PIANP: variants seen among roughly 807,000 people sequenced by gnomAD.
PIANP encodes PILR alpha-associated neural protein.
PIANP carries 14 observed loss-of-function variants against 28.9 expected under a neutral mutation model. The observed-to-expected ratio is 0.49, with a 90% confidence interval of 0.32 to 0.76. The LOEUF is 0.76. Among genes scored for constraint, PIANP ranks in the 30% least tolerant of loss-of-function variants. PIANP has a pLI of 0.03. For synonymous variants in PIANP, 149 were observed against 156.6 expected, an observed-to-expected ratio of 0.95 and a Z score of 0.36; for missense variants, 322 against 371.8, an observed-to-expected ratio of 0.87 and a Z score of 1.10.
downstream of PIANP, among the ~76,000 whole-genome samples, chr12:6,693,587 C>A (rs778468860): frequency 6.6e-6 from 1 of 152,150 alleles, no homozygotes; most frequent in African/African-American, 2.4e-5. Context: ...TCTAGTTTCT[C>A]TCTTGTACCA....
chr12:6,696,458 A>C lies in PIANP; in HGVS notation c.590T>G (p.Ile197Ser). ...CCCAGCTTACCAGAACTTGAAGATG[A>C]TGCCAGTGGCCACGAGAACAATGAT... ...SIIIVLVATG[I>S]IFKFCWDRSQ... Residue 197 changes from isoleucine (I) to serine (S), a missense_variant, in exon 4 of 5, where the codon ATC (isoleucine) becomes AGC (serine). By Grantham distance (142) the Ile-to-Ser change is moderately radical (BLOSUM62 -2). Coordinates refer to ENST00000534837, the MANE Select transcript of PIANP (RefSeq NM_001244014.2). This position sits in a 1 kb window ranked among gnomAD's most constrained non-coding sequence, Gnocchi z 4.0. 6.2e-7 allele frequency: 1 copy of C among 1,600,184 alleles called. No individual in the cohort carries two copies. The highest frequency in any genetic ancestry group is 8.5e-7 in the Non-Finnish European group (1 of 1,173,794).
At position 6,695,452 on chromosome 12, in the gene PIANP, C is replaced by T. The variant is rs1351409714; in HGVS notation, c.805G>A (p.Ala269Thr). 7.4e-5 allele frequency: 111 copies of T among 1,498,612 alleles called. No homozygotes were observed. The highest frequency in any genetic ancestry group is 8.7e-5 in the Non-Finnish European group (98 of 1,123,874). 92.8% of individuals were successfully genotyped at this position (1,498,612 alleles called of 1,614,324 possible). A position where few individuals can be genotyped will look rare whatever the true frequency, so the allele number is the denominator to read the frequency against. The change falls in exon 5 of 5, where the codon GCT becomes ACT. Residue 269 changes from alanine to threonine, a missense_variant. Ala to Thr is a moderately conservative substitution (Grantham distance 58, BLOSUM62 0). Transcript: ENST00000534837. This position sits in a 1 kb window ranked among gnomAD's most constrained non-coding sequence, Gnocchi z 4.2. ...CACCGGTTCAACTGGAAGGCTGGAG[C>T]CCCCTTGGGGTGGGGCATCCCAGGC... ...PRPGMPHPKGAPAFQLNR is the reference protein window; with the variant it reads ...PRPGMPHPKGTPAFQLNR
rs1022147694 is a variant in PIANP, at chr12:6,696,700, G to GT, written c.524-177dup. Among the ~76,000 whole-genome samples the GT allele has an allele frequency of 3.9e-5, 6 of 152,156 alleles. No individual in the cohort carries two copies. The highest frequency in any genetic ancestry group is 8.8e-5 in the Non-Finnish European group (6 of 68,038). ...TTTATTATCACCAGCATTCCCCTGAGTTTTCAGCTCTTTTCCTCCACTTTC... is the reference window on the plus strand; with the variant it reads ...TTTATTATCACCAGCATTCCCCTGAGTTTTTCAGCTCTTTTCCTCCACTTTC... On this transcript the variant is annotated intron_variant, in intron 3 of 4. Coordinates refer to ENST00000534837, the MANE Select transcript of PIANP (RefSeq NM_001244014.2). The surrounding 1 kb of genome is among the most constrained non-coding windows in gnomAD (Gnocchi z 4.0).
chr12:6,699,101 G>C (rs932518534), intron 1 of PIANP, among the ~76,000 whole-genome samples: 4 of 152,140 alleles, frequency 2.6e-5, no homozygotes, highest in Non-Finnish European at 5.9e-5. Flanking sequence ...AAAATTAGCC[G>C]GGGGTAGTGG....
chr12:6,693,248 G>A (rs1267220180), downstream of PIANP, among the ~76,000 whole-genome samples: 1 of 152,042 alleles, frequency 6.6e-6, no homozygotes, highest in African/African-American at 2.4e-5. Flanking sequence ...AGAGGGCAGA[G>A]TAGGGAAAGC....
rs772668070 is a variant in PIANP, at chr12:6,697,649, G to T, written c.161C>A (p.Ala54Asp). The T allele has an allele frequency of 1.9e-6, 3 of 1,557,924 alleles. No homozygotes were observed. In the South Asian group the frequency reaches 3.5e-5, roughly 18 times the overall value. ...CTCCCACACGCACACATGACGTGGG[G>T]CCGAGGGGCCTCCCCTGGCACACGG... ...RPPCARGGPS[A>D]PRHVCVWERA... The change falls in exon 3 of 5, where the codon GCC becomes GAC. Residue 54 changes from alanine (A) to aspartate (D), a missense_variant. Transcript: ENST00000534837. This position sits in a 1 kb window ranked among gnomAD's most constrained non-coding sequence, Gnocchi z 6.9.
chr12:6,695,178 G>T lies in PIANP; in HGVS notation c.*248C>A. 6.8e-6 allele frequency: 10 copies of T among 1,461,998 alleles called. No individual in the cohort carries two copies. Among genetic ancestry groups the T allele is most frequent in the Non-Finnish European group, 8.2e-6 (9 of 1,099,962 alleles). 90.6% of individuals were successfully genotyped at this position (1,461,998 alleles called of 1,614,324 possible). Reference sequence around the variant, plus strand: ...GGGCAGAGTTGTCTTAGACAAGGTGGCATGAGAAAAAACCAAAGAGGGCAG... The same window carrying T: ...GGGCAGAGTTGTCTTAGACAAGGTGTCATGAGAAAAAACCAAAGAGGGCAG... On this transcript the variant is annotated 3_prime_UTR_variant, in exon 5 of 5. Transcript: ENST00000534837. This position sits in a 1 kb window ranked among gnomAD's most constrained non-coding sequence, Gnocchi z 4.2.
intron 1 of PIANP, 157 bp from the exon 2 acceptor site, chr12:6,698,261 G>C (rs1207884767): frequency 3.0e-6 from 2 of 664,498 alleles, no homozygotes; most frequent in African/African-American, 3.6e-5. Flanking sequence ...ATCCTTTTGG[G>C]GGAAAAACTC....
chr12:6,693,452 T>C (rs1959745983), downstream of PIANP, among the ~76,000 whole-genome samples: 1 of 152,206 alleles, frequency 6.6e-6, no homozygotes, highest in Non-Finnish European at 1.5e-5. Flanking sequence ...GTCTGTCTTA[T>C]CAGGTCTCTC....
rs777492515 is a variant in PIANP at position 6,696,496 on chromosome 12, A to G, written c.552T>C (p.Ile184=). Residue 184 remains isoleucine, a synonymous_variant, in exon 4 of 5, where the codon ATT becomes ATC. Transcript: ENST00000534837. This position sits in a 1 kb window ranked among gnomAD's most constrained non-coding sequence, Gnocchi z 4.0. ...CGAGAACAATGATGATGGAGATGGT[A>G]ATTGTGACATAGAGCTGGGGGTCCA... ...EGVDPQLYVT[I]TISIIIVLVA... 3.0e-5 allele frequency: 48 copies of G among 1,602,804 alleles called. No homozygotes were observed. The highest frequency in any genetic ancestry group is 3.7e-5 in the Non-Finnish European group (44 of 1,175,136).
At position 6,695,169 on chromosome 12, in the gene PIANP, G is replaced by A. The variant is rs918935548; in HGVS notation, c.*257C>T. 2.7e-6 allele frequency: 4 copies of A among 1,474,558 alleles called. No individual in the cohort carries two copies. 91.3% of individuals were successfully genotyped at this position (1,474,558 alleles called of 1,614,324 possible). A position where few individuals can be genotyped will look rare whatever the true frequency, so the allele number is the denominator to read the frequency against. On this transcript the variant is annotated 3_prime_UTR_variant, in exon 5 of 5. Transcript: ENST00000534837. This position sits in a 1 kb window ranked among gnomAD's most constrained non-coding sequence, Gnocchi z 4.2. The stretch of plus-strand genomic sequence containing the variant: ...AGGTTAAGAGGGCAGAGTTGTCTTA[G>A]ACAAGGTGGCATGAGAAAAAACCAA...
At chr12:6,699,116 C>T (rs1592451145) in intron 1 of PIANP, among the ~76,000 whole-genome samples, 1 of 152,050 alleles carries the variant, frequency 6.6e-6, no homozygotes, top group Non-Finnish European at 1.5e-5. Flanking sequence ...TAGTGGTGGG[C>T]GCCTGCAATC....
At position 6,698,091 on chromosome 12, in the gene PIANP, A is replaced by G. The variant is rs369958815; in HGVS notation, c.-30T>C. Reference sequence around the variant, plus strand: ...GAGGTCTTCCTCAGCTGTGACCCAGATTTTCAGCCTTTACTGGGAGAAAAA... The same window carrying G: ...GAGGTCTTCCTCAGCTGTGACCCAGGTTTTCAGCCTTTACTGGGAGAAAAA... On this transcript the variant is annotated 5_prime_UTR_variant, in exon 2 of 5. Coordinates refer to ENST00000534837, the MANE Select transcript of PIANP (RefSeq NM_001244014.2). 1.9e-5 allele frequency: 30 copies of G among 1,561,494 alleles called. No homozygotes were observed. The highest frequency in any genetic ancestry group is 2.4e-5 in the Non-Finnish European group (28 of 1,151,592).
At chr12:6,699,063 G>A (rs1959968982) in intron 1 of PIANP, among the ~76,000 whole-genome samples, 1 of 152,134 alleles carries the variant, frequency 6.6e-6, no homozygotes, top group Non-Finnish European at 1.5e-5. Flanking sequence ...GGCCAACATA[G>A]TGAAACCCCG....
chr12:6,693,387 C>G (rs1235133390), downstream of PIANP, among the ~76,000 whole-genome samples: 2 of 152,094 alleles, frequency 1.3e-5, no homozygotes, highest in Non-Finnish European at 2.9e-5. Context: ...CTGGCTCCCT[C>G]TCATCTTTTC....
Position 6,697,208 on chromosome 12 carries a change from C to T in PIANP, c.523+79G>A. The T allele has an allele frequency of 6.4e-7, 1 of 1,560,260 alleles. No homozygotes were observed. The highest frequency in any genetic ancestry group is 8.6e-7 in the Non-Finnish European group (1 of 1,156,880). ...CACATTTGTTGAAGGAGCTAACAGA[C>T]AAGGCCTCTATTTCTGCCCCTTGGT... On this transcript the variant is annotated intron_variant, in intron 3 of 4. Transcript: ENST00000534837. This position sits in a 1 kb window ranked among gnomAD's most constrained non-coding sequence, Gnocchi z 6.9.
chr12:6,696,830 C>T lies in PIANP; in HGVS notation c.524-306G>A, dbSNP rs1051344393. On this transcript the variant is annotated intron_variant, in intron 3 of 4. Coordinates refer to ENST00000534837, the MANE Select transcript of PIANP (RefSeq NM_001244014.2). The surrounding 1 kb of genome is among the most constrained non-coding windows in gnomAD (Gnocchi z 4.0). ...CTGGAAACTAAGGGGTGGAGATGTCCTAGTCTCTGCCATGGCCCAACTCCC... is the reference window on the plus strand; with the variant it reads ...CTGGAAACTAAGGGGTGGAGATGTCTTAGTCTCTGCCATGGCCCAACTCCC... 2.0e-5 allele frequency among the ~76,000 whole-genome samples: 3 copies of T among 152,130 alleles called. No homozygotes were observed. The East Asian group carries it at 5.8e-4, about 29-fold the overall frequency.
Position 6,697,852 on chromosome 12 carries a change from G to A in PIANP, c.18-60C>T. 1.3e-6 allele frequency: 2 copies of A among 1,497,594 alleles called. No homozygotes were observed. Among genetic ancestry groups the A allele is most frequent in the African/African-American group, 1.4e-5 (1 of 71,336 alleles). The allele number at this position is 1,497,594 out of a possible 1,614,324, so 92.8% of individuals were successfully genotyped here. On this transcript the variant is annotated intron_variant, in intron 2 of 4. Transcript: ENST00000534837. The surrounding 1 kb of genome is among the most constrained non-coding windows in gnomAD (Gnocchi z 6.9). ...GCCTACTGTGGGCCTATGTGAGGGA[G>A]GGACAGGTTCACACCAGAAACCTCC...
rs1960020540 is a variant in PIANP at position 6,700,432 on chromosome 12, G to A, written c.-44+182C>T. The A allele has an allele frequency of 6.6e-6, 1 of 152,410 alleles. No individual in the cohort carries two copies. Among genetic ancestry groups the A allele is most frequent in the South Asian group, 2.1e-4 (1 of 4,844 alleles). 9.4% of individuals were successfully genotyped at this position (152,410 alleles called of 1,614,324 possible). ...GACGGGGACGGCTGCGCCAGGGAGG[G>A]CGGGAGCGAGCCAGGACCGCGGAGG... is the stretch of plus-strand genomic sequence containing the variant. On this transcript the variant is annotated intron_variant, in intron 1 of 4. Coordinates refer to ENST00000534837, the MANE Select transcript of PIANP (RefSeq NM_001244014.2). The surrounding 1 kb of genome is among the most constrained non-coding windows in gnomAD (Gnocchi z 5.5).
Sources: gnomAD v4.1 joint callset for allele counts (sites outside exome capture counted in the v4.1 genomes callset) on GRCh38, gnomAD v4.1.1 for gene constraint, Gnocchi (gnomAD v3.1) non-coding constraint, MANE v1.5 for transcripts, NCBI Gene and HGNC (gene_info 2026-07-23, HGNC 2026-07-21) for gene names.